Variants in AHCYL2 observed in about 807,000 individuals in gnomAD.
AHCYL2 encodes S-adenosylhomocysteine hydrolase-like protein 2.
AHCYL2 carries 28 observed loss-of-function variants against 81.4 expected under a neutral mutation model. The ratio of observed to expected loss-of-function variants is 0.34; its 90% CI spans 0.25 to 0.47. AHCYL2 has a LOEUF of 0.47. AHCYL2 is among the 20% of genes least tolerant of loss of function. AHCYL2 has a pLI of 1.00. For missense variants in AHCYL2, 551 were observed against 785.1 expected (o/e 0.70, Z 3.56); for synonymous variants, 272 against 290.2 (o/e 0.94, Z 0.64).
Position 129,290,231 on chromosome 7 carries a change from C to T in AHCYL2, c.363+64792C>T, listed in dbSNP as rs577272690. 2.9e-3 allele frequency among the ~76,000 whole-genome samples: 434 copies of T among 152,038 alleles called. 4 individuals are homozygous for T. Among genetic ancestry groups the T allele is most frequent in the African/African-American group, 9.8e-3 (408 of 41,498 alleles). On this transcript the variant is annotated intron_variant, in intron 1 of 16. Transcript: ENST00000325006. ...AAAAATAAGAGCTAGTGGCTGGGCA[C>T]GGTGGCTCATGCCTGTAATCCCAGC... is the stretch of plus-strand genomic sequence containing the variant.
At chr7:129,258,276 C>T (rs959620397) in intron 1 of AHCYL2, among the ~76,000 whole-genome samples, 1 of 151,082 alleles carries the variant, frequency 6.6e-6, no homozygotes, top group African/African-American at 2.4e-5. Flanking sequence ...AAAGAATCCC[C>T]CATCCTTCAC....
At chr7:129,333,308 CAAAAA>C (rs1181621904) in intron 1 of AHCYL2, among the ~76,000 whole-genome samples, 3 of 67,508 alleles carry the variant, frequency 4.4e-5, no homozygotes, top group Non-Finnish European at 6.6e-5. Context: ...CATCTCTACC[CAAAAA>C]AAAAAAAAAA....
In AHCYL2 at chr7:129,230,964, T is replaced by C. The variant is rs139215347; in HGVS notation, c.363+5525T>C. Reference sequence around the variant, plus strand: ...GCGTGGTTGAAGGTCTTACCGTGTGTTTTTGTGAGCATTTATTTTCTGAGA... The same window carrying C: ...GCGTGGTTGAAGGTCTTACCGTGTGCTTTTGTGAGCATTTATTTTCTGAGA... On this transcript the variant is annotated intron_variant, in intron 1 of 16. Transcript: ENST00000325006. Among the ~76,000 whole-genome samples the C allele has an allele frequency of 5.3e-5, 8 of 152,244 alleles. No individual in the cohort carries two copies. The East Asian group carries it at 1.5e-3, about 29-fold the overall frequency.
At chr7:129,425,878 A>G (rs985366898) in intron 15 of AHCYL2, among the ~76,000 whole-genome samples, 1 of 152,242 alleles carries the variant, frequency 6.6e-6, no homozygotes, top group Admixed American at 6.5e-5. Flanking sequence ...TGTATAATGA[A>G]GTTGGGAGAC....
chr7:129,386,892 C>A (rs1304451891), intron 2 of AHCYL2, among the ~76,000 whole-genome samples: 1 of 152,160 alleles, frequency 6.6e-6, no homozygotes, highest in South Asian at 2.1e-4. Flanking sequence ...GTATATCATT[C>A]TTTTCCCATT....
At position 129,419,341 on chromosome 7, in the gene AHCYL2, G is replaced by C. The variant is rs1797005136; in HGVS notation, c.1462-3499G>C. On this transcript the variant is annotated intron_variant, in intron 12 of 16. Coordinates refer to ENST00000325006, the MANE Select transcript of AHCYL2 (RefSeq NM_015328.4). This position sits in a 1 kb window ranked among gnomAD's most constrained non-coding sequence, Gnocchi z 4.7. ...GAGGCTGAGGCAGGCGGATCATGAG[G>C]TCAGGAGTTCAAGACCAGCCTGACC... Among the ~76,000 whole-genome samples the C allele has an allele frequency of 6.6e-6, 1 of 152,082 alleles. No homozygotes were observed. Among genetic ancestry groups the C allele is most frequent in the East Asian group, 1.9e-4 (1 of 5,180 alleles).
intron 1 of AHCYL2, among the ~76,000 whole-genome samples, chr7:129,270,979 G>A (rs1420363697): frequency 6.6e-5 from 10 of 152,032 alleles, no homozygotes; most frequent in Non-Finnish European, 8.8e-5. Context: ...ACAGTCCTAC[G>A]GCATCAGGCT....
intron 1 of AHCYL2, among the ~76,000 whole-genome samples, chr7:129,336,831 C>A (rs915699180): frequency 3.9e-5 from 6 of 152,168 alleles, no homozygotes. Context: ...ACTGTAGCCG[C>A]AATCCCCTGA....
At chr7:129,405,783 C>A in intron 8 of AHCYL2, 53 bp from the exon 9 acceptor site, 1 of 1,543,052 alleles carries the variant, frequency 6.5e-7, no homozygotes, top group Non-Finnish European at 8.9e-7. Context: ...AATCTAACCT[C>A]AAGGGAGAAA....
intron 5 of AHCYL2, among the ~76,000 whole-genome samples, 153 bp downstream of exon 5, chr7:129,397,477 C>A (rs1007000769): frequency 6.6e-6 from 1 of 152,138 alleles, no homozygotes; most frequent in Non-Finnish European, 1.5e-5. Flanking sequence ...CTTTTTCTGG[C>A]CTTCGCTTGT....
At chr7:129,336,319 C>T (rs1798604145) in intron 1 of AHCYL2, among the ~76,000 whole-genome samples, 3 of 152,164 alleles carry the variant, frequency 2.0e-5, no homozygotes, top group East Asian at 1.9e-4. Context: ...CCACCTGCCT[C>T]GGCCTCCCAA....
rs767589420 is a variant in AHCYL2, at chr7:129,389,165, G to A, written c.585G>A (p.Glu195=). 2.2e-5 allele frequency: 35 copies of A among 1,614,020 alleles called. 2 individuals carry two copies. In the South Asian group the frequency reaches 3.5e-4, roughly 16 times the overall value. Residue 195 remains glutamate (E), a synonymous_variant, in exon 3 of 17, where the codon GAG becomes GAA. Coordinates refer to ENST00000325006, the MANE Select transcript of AHCYL2 (RefSeq NM_015328.4). ...DFCVKNIKQA[E]FGRREIEIAE... ...GTGTTAAGAACATCAAACAGGCAGAGTTTGGACGAAGAGAAATTGAAATTG... is the reference window on the plus strand; with the variant it reads ...GTGTTAAGAACATCAAACAGGCAGAATTTGGACGAAGAGAAATTGAAATTG...
intron 1 of AHCYL2, among the ~76,000 whole-genome samples, chr7:129,303,280 T>C (rs1797314704): frequency 6.6e-6 from 1 of 152,238 alleles, no homozygotes; most frequent in Non-Finnish European, 1.5e-5. Context: ...ATTACAGGCA[T>C]AAGCCACCAT....
chr7:129,333,630 A>C (rs944674319), intron 1 of AHCYL2, among the ~76,000 whole-genome samples: 7 of 152,210 alleles, frequency 4.6e-5, no homozygotes, highest in African/African-American at 1.7e-4. Flanking sequence ...GGGGAAAAAA[A>C]GTCATCTCTT....
At chr7:129,358,635 G>A (rs1252126344) in intron 1 of AHCYL2, among the ~76,000 whole-genome samples, 1 of 152,220 alleles carries the variant, frequency 6.6e-6, no homozygotes, top group Non-Finnish European at 1.5e-5. Flanking sequence ...TAGAGTTGCA[G>A]TTTGAGATAA....
Position 129,425,269 on chromosome 7 carries a change from A to G in AHCYL2, c.1708+128A>G, listed in dbSNP as rs1195535837. 1.2e-5 allele frequency: 9 copies of G among 768,118 alleles called. No homozygotes were observed. The Admixed American group carries it at 1.4e-4, about 12-fold the overall frequency. The allele number at this position is 768,118 out of a possible 1,614,324, so 47.6% of individuals were successfully genotyped here. ...GGTACCTTCATCTTGTAAAGTAGGAATTAGGATTCCTAGGTGCCATTCCCA... is the reference window on the plus strand; with the variant it reads ...GGTACCTTCATCTTGTAAAGTAGGAGTTAGGATTCCTAGGTGCCATTCCCA... On this transcript the variant is annotated intron_variant, in intron 15 of 16. Transcript: ENST00000325006.
chr7:129,339,261 G>A (rs1793072148), intron 1 of AHCYL2, among the ~76,000 whole-genome samples: 1 of 152,148 alleles, frequency 6.6e-6, no homozygotes, highest in African/African-American at 2.4e-5. Context: ...TGGTGGAAGT[G>A]CAATCTTGGT....
chr7:129,401,502 G>A (rs1313388940), intron 6 of AHCYL2, among the ~76,000 whole-genome samples: 3 of 152,212 alleles, frequency 2.0e-5, no homozygotes, highest in African/African-American at 4.8e-5. Context: ...TGCAGAGCAG[G>A]CCTCACTTGG....
intron 1 of AHCYL2, among the ~76,000 whole-genome samples, chr7:129,256,799 T>C (rs2150710473): frequency 6.6e-6 from 1 of 152,238 alleles, no homozygotes; most frequent in South Asian, 2.1e-4. Flanking sequence ...AGGTTTTTTT[T>C]TTAATTGTAT....
Sources: gnomAD v4.1 joint callset for allele counts (sites outside exome capture counted in the v4.1 genomes callset) on GRCh38, gnomAD v4.1.1 for gene constraint, Gnocchi (gnomAD v3.1) non-coding constraint, MANE v1.5 for transcripts, NCBI Gene and HGNC (gene_info 2026-07-23, HGNC 2026-07-21) for gene names.